Variants in ZSCAN5A observed in about 807,000 individuals in gnomAD.
ZSCAN5A encodes the protein zinc finger and SCAN domain-containing protein 5A.
ZSCAN5A carries 12 observed loss-of-function variants against 23.7 expected under a neutral mutation model. The observed-to-expected ratio is 0.51, with a 90% CI of 0.32 to 0.82. The LOEUF (loss-of-function observed/expected upper bound fraction) is 0.82, where lower values mean the gene tolerates loss of function less well. ZSCAN5A is among the 40% of genes least tolerant of loss of function. The pLI is 0.03. For missense variants in ZSCAN5A, 597 were observed against 617.9 expected (o/e 0.97, Z 0.36); for synonymous variants, 257 against 239.9 (o/e 1.07, Z -0.66).
chr19:56,302,928 G>A, intron 2 of ZSCAN5A: 1 of 398,570 alleles, frequency 2.5e-6, no homozygotes, highest in Admixed American at 4.4e-5. Flanking sequence ...TTCTGTAAGG[G>A]AGGCAGACAT....
intron 2 of ZSCAN5A, chr19:56,244,141 T>C: frequency 6.2e-7 from 1 of 1,600,078 alleles, no homozygotes; most frequent in Non-Finnish European, 8.6e-7. Context: ...AAACTCAACT[T>C]GGAAATCATG....
chr19:56,265,076 C>T (rs1470683491), intron 2 of ZSCAN5A, among the ~76,000 whole-genome samples: 7 of 151,904 alleles, frequency 4.6e-5, no homozygotes, highest in Admixed American at 3.9e-4. Flanking sequence ...GAGCTGAGAT[C>T]ACACCACTGC....
chr19:56,234,540 C>T (rs1274703810), intron 2 of ZSCAN5A, among the ~76,000 whole-genome samples: 3 of 152,062 alleles, frequency 2.0e-5, no homozygotes, highest in African/African-American at 4.8e-5. Context: ...ACAGGCAGCC[C>T]GGCGCCAGGC....
intron 2 of ZSCAN5A, among the ~76,000 whole-genome samples, chr19:56,243,266 G>A (rs2035574654): frequency 6.6e-6 from 1 of 152,210 alleles, no homozygotes; most frequent in Admixed American, 6.5e-5. Context: ...CTTTTGGGCT[G>A]ATGAGACAAT....
At chr19:56,323,843 C>CT (rs200335721) in intron 2 of ZSCAN5A, among the ~76,000 whole-genome samples, 10 of 148,780 alleles carry the variant, frequency 6.7e-5, no homozygotes, top group Non-Finnish European at 1.0e-4. Context: ...GCCGGCAGAA[C>CT]TTTTTTTTTT....
intron 2 of ZSCAN5A, among the ~76,000 whole-genome samples, chr19:56,305,552 A>C (rs999550858): frequency 6.6e-6 from 1 of 152,164 alleles, no homozygotes; most frequent in African/African-American, 2.4e-5. Flanking sequence ...AAGTTATGTT[A>C]GAATATCTGT....
At position 56,320,526 on chromosome 19, in the gene ZSCAN5A, C is replaced by T. The variant is rs1162059572; in HGVS notation, c.-357-4258G>A. On this transcript the variant is annotated intron_variant, in intron 2 of 6. Coordinates refer to the ZSCAN5A transcript ENST00000587340. ...ACTCGGGAGGATGAGGCAGGAGAAT[C>T]GCTTGAACCCAGGAGGCGGTGATTG... 26 of 427,396 alleles carry T rather than the reference C, an allele frequency of 6.1e-5. No individual in the cohort carries two copies. The East Asian group carries it at 1.0e-3, about 17-fold the overall frequency. The allele number at this position is 427,396 out of a possible 1,614,324, so 26.5% of individuals were successfully genotyped here.
intron 2 of ZSCAN5A, among the ~76,000 whole-genome samples, chr19:56,237,297 G>A (rs113112419): frequency 4.9e-4 from 74 of 152,186 alleles, no homozygotes; most frequent in African/African-American, 1.8e-3. Flanking sequence ...TTTCTCCTTT[G>A]CGGCGGTGCT....
At chr19:56,249,430 G>A (rs985644266) in intron 2 of ZSCAN5A, among the ~76,000 whole-genome samples, 6 of 152,072 alleles carry the variant, frequency 3.9e-5, no homozygotes, top group African/African-American at 1.4e-4. Flanking sequence ...CCGCCACCAC[G>A]CCTGGCTAAT....
At chr19:56,275,573 T>C (rs1244034555) in intron 2 of ZSCAN5A, among the ~76,000 whole-genome samples, 1 of 152,108 alleles carries the variant, frequency 6.6e-6, no homozygotes, top group Non-Finnish European at 1.5e-5. Context: ...CTACAAAAAA[T>C]AGTAAGAATA....
Position 56,313,363 on chromosome 19 carries a change from G to C in ZSCAN5A, c.-208C>G. The C allele has an allele frequency of 4.4e-6, 1 of 225,420 alleles. No homozygotes were observed. Among genetic ancestry groups the C allele is most frequent in the Non-Finnish European group, 9.2e-6 (1 of 108,192 alleles). 14.0% of individuals were successfully genotyped at this position (225,420 alleles called of 1,614,324 possible). Reference sequence around the variant, plus strand: ...TCACATGGCAGCAGACAAGAGAAGAGAGCTTGAGCAGGGAACCTCCCCTTT... The same window carrying C: ...TCACATGGCAGCAGACAAGAGAAGACAGCTTGAGCAGGGAACCTCCCCTTT... On this transcript the variant is annotated 5_prime_UTR_variant, in exon 2 of 6. Transcript: ENST00000683990.
chr19:56,266,533 T>C (rs1028661128), intron 2 of ZSCAN5A: 2 of 136,568 alleles, frequency 1.5e-5, no homozygotes, highest in East Asian at 2.1e-4. Flanking sequence ...AGTCTCACTC[T>C]GTCACTGAGG....
intron 2 of ZSCAN5A, chr19:56,347,674 C>T (rs1018444413): frequency 1.1e-4 from 16 of 152,232 alleles, no homozygotes; most frequent in African/African-American, 3.6e-4. Flanking sequence ...CCTCCTTATC[C>T]CGTAATTCAG....
At chr19:56,226,178 T>C (rs972938880) in intron 2 of ZSCAN5A, among the ~76,000 whole-genome samples, 1 of 152,030 alleles carries the variant, frequency 6.6e-6, no homozygotes, top group East Asian at 1.9e-4. Context: ...AGAAGGGTCT[T>C]GGGAAAAGTC....
chr19:56,329,006 A>AAAATAAAT (rs1555811869), intron 2 of ZSCAN5A, among the ~76,000 whole-genome samples: 1 of 144,510 alleles, frequency 6.9e-6, no homozygotes, highest in African/African-American at 2.7e-5. Flanking sequence ...AAAAAAAAAA[A>AAAATAAAT]AAATAAATAA....
intron 2 of ZSCAN5A, chr19:56,321,876 T>C (rs1196128033): frequency 4.6e-5 from 37 of 807,086 alleles, no homozygotes; most frequent in Admixed American, 3.9e-4. Context: ...TCTGGCAGGT[T>C]GGCACGCTCA....
chr19:56,231,979 C>CT (rs58374777), intron 2 of ZSCAN5A, among the ~76,000 whole-genome samples: 1,409 of 93,032 alleles, frequency 0.015, 33 homozygotes, highest in African/African-American at 0.056. Flanking sequence ...TTTCTTTTTT[C>CT]TTTCTTTTTT....
chr19:56,289,161 C>T (rs923696642), intron 2 of ZSCAN5A, among the ~76,000 whole-genome samples: 9 of 152,202 alleles, frequency 5.9e-5, no homozygotes, highest in African/African-American at 2.2e-4. Flanking sequence ...GGTGTAAATA[C>T]TCTGACCATG....
intron 2 of ZSCAN5A, among the ~76,000 whole-genome samples, chr19:56,307,514 G>A (rs2040769253): frequency 6.6e-6 from 1 of 152,192 alleles, no homozygotes; most frequent in Non-Finnish European, 1.5e-5. Context: ...TTATTATGAA[G>A]TGAGGTGATG....
Sources: allele counts gnomAD v4.1 joint callset (sites outside exome capture counted in the v4.1 genomes callset), GRCh38; gene constraint gnomAD v4.1.1; transcripts MANE v1.5; gene names NCBI Gene and HGNC (gene_info 2026-07-23, HGNC 2026-07-21).